Variants in KIF25 observed in about 807,000 individuals in gnomAD.
The protein encoded by KIF25 is kinesin family member 25, also known as kinesin-like protein KIF25.
Under a neutral mutation model 32.9 loss-of-function variants are expected in KIF25, and 19 were observed. The ratio of observed to expected loss-of-function variants is 0.58; its 90% CI spans 0.40 to 0.85. The LOEUF (loss-of-function observed/expected upper bound fraction) is 0.85. KIF25 is among the 40% of genes least tolerant of loss of function. The probability of loss-of-function intolerance (pLI) is 0.00; values close to 1 mark genes in which losing one functional copy is unlikely to be tolerated. For synonymous variants in KIF25, 225 were observed against 213.7 expected (o/e 1.05, Z -0.46); for missense variants, 485 against 507.0 (o/e 0.96, Z 0.42).
rs1216989479 is a variant in KIF25 at position 168,042,265 on chromosome 6, C to T, written c.829+114C>T. On this transcript the variant is annotated intron_variant, in intron 11 of 12. Transcript: ENST00000643607. ...AAGCTCTGGGCGAGCCAGGCATTTC[C>T]CCCTCCACAGGTGAGTTCCAAATCC... The T allele has an allele frequency of 2.7e-6, 3 of 1,122,176 alleles. No homozygotes were observed. The African/African-American group carries it at 4.7e-5, about 18-fold the overall frequency. 69.5% of individuals were successfully genotyped at this position (1,122,176 alleles called of 1,614,324 possible). A position where few individuals can be genotyped will look rare whatever the true frequency, so the allele number is the denominator to read the frequency against.
At chr6:168,024,317 G>GTT (rs139269950) in intron 5 of KIF25, among the ~76,000 whole-genome samples, 153 of 148,748 alleles carry the variant, frequency 1.0e-3, no homozygotes, top group African/African-American at 3.5e-3. Flanking sequence ...GTGACACACA[G>GTT]TTTTTTTTAC....
rs533395739 is a variant in KIF25, at chr6:168,040,072, G to C, written c.502G>C (p.Gly168Arg). ...TGCTTGCCTTGTCTGTAGGGCTGTC[G>C]GCAGCGCCTCGAAACTGATGGAGCT... The part of the protein sequence containing the change: ...EVALLASEAV[G>R]SASKLMELVH... Residue 168 changes from glycine to arginine, a missense_variant, in exon 10 of 13, where the codon GGC becomes CGC. Gly to Arg is a moderately radical substitution (Grantham distance 125). Around this residue, in one of 2 missense-constraint regions of KIF25, gnomAD observed 480 missense variants for 470.3 expected, o/e 1.02. Transcript: ENST00000643607. 6 of 1,612,420 alleles carry C rather than the reference G, an allele frequency of 3.7e-6. No homozygotes were observed. Among genetic ancestry groups the C allele is most frequent in the Middle Eastern group, 1.7e-4 (1 of 5,932 alleles).
chr6:168,002,895 G>A (rs1798527278), intron 3 of KIF25, among the ~76,000 whole-genome samples: 1 of 152,196 alleles, frequency 6.6e-6, no homozygotes, highest in Non-Finnish European at 1.5e-5. Flanking sequence ...AGTCTCATAA[G>A]GAGTGTGCAA....
chr6:168,003,300 A>G (rs971008889), intron 3 of KIF25, among the ~76,000 whole-genome samples: 4 of 152,242 alleles, frequency 2.6e-5, no homozygotes, highest in African/African-American at 9.6e-5. Context: ...AGAGAAGAAA[A>G]TAATACATAA....
chr6:168,001,958 G>A (rs537986698), intron 2 of KIF25, among the ~76,000 whole-genome samples: 2 of 124,558 alleles, frequency 1.6e-5, no homozygotes, highest in South Asian at 2.8e-4. Flanking sequence ...GCGTGGCCGC[G>A]GGCAGGTGAG....
At chr6:168,020,792 A>G (rs1309033614) in intron 5 of KIF25, among the ~76,000 whole-genome samples, 1 of 152,246 alleles carries the variant, frequency 6.6e-6, no homozygotes, top group African/African-American at 2.4e-5. Flanking sequence ...AATGTCAGGA[A>G]AAAGGGAAAG....
Position 168,044,815 on chromosome 6 carries a change from T to C in KIF25, c.986-12T>C, listed in dbSNP as rs1435174876. On this transcript the variant is annotated splice_polypyrimidine_tract_variant and intron_variant, in intron 12 of 12. Transcript: ENST00000643607. ...TTCTTTCCAGCTTGCATGTTGTTTT[T>C]CTATTTTAAAGGAGGCGATGCGAAG... is the stretch of plus-strand genomic sequence containing the variant. 3 of 1,566,398 alleles carry C rather than the reference T, an allele frequency of 1.9e-6. No homozygotes were observed. Among genetic ancestry groups the C allele is most frequent in the Non-Finnish European group, 2.6e-6 (3 of 1,152,548 alleles).
chr6:168,029,042 G>C (rs1171261596), intron 5 of KIF25, among the ~76,000 whole-genome samples: 1 of 152,030 alleles, frequency 6.6e-6, no homozygotes, highest in African/African-American at 2.4e-5. Context: ...AGATTGTTTT[G>C]CCTTTTCTGA....
chr6:168,044,876 G>A lies in KIF25; in HGVS notation c.1035G>A (p.Arg345=). 1 of 1,609,576 alleles carries A rather than the reference G, an allele frequency of 6.2e-7. No homozygotes were observed. Among genetic ancestry groups the A allele is most frequent in the Admixed American group, 1.7e-5 (1 of 59,736 alleles). The change falls in exon 13 of 13, where the codon AGG becomes AGA. Residue 345 remains arginine, a synonymous_variant. Coordinates refer to ENST00000643607, the MANE Select transcript of KIF25 (RefSeq NM_030615.4). The part of the protein sequence containing the change: ...LVILCISPSQ[R]HLAQTLQGLG... Reference sequence around the variant, plus strand: ...TTCTCTGCATTTCTCCCAGCCAGAGGCACCTGGCACAGACGTTGCAGGGCC... The same window carrying A: ...TTCTCTGCATTTCTCCCAGCCAGAGACACCTGGCACAGACGTTGCAGGGCC...
At position 168,045,041 on chromosome 6, in the gene KIF25, G is replaced by A; in HGVS notation, c.*45G>A. The stretch of plus-strand genomic sequence containing the variant: ...TCCTAAAACTGTGTTTCTTGTCCTT[G>A]CTTTATAATGCATATGTGCTTAGAA... On this transcript the variant is annotated 3_prime_UTR_variant, in exon 13 of 13. Coordinates refer to ENST00000643607, the MANE Select transcript of KIF25 (RefSeq NM_030615.4). 6.5e-7 allele frequency: 1 copy of A among 1,528,330 alleles called. No individual in the cohort carries two copies. Among genetic ancestry groups the A allele is most frequent in the Non-Finnish European group, 8.9e-7 (1 of 1,126,904 alleles). 94.7% of individuals were successfully genotyped at this position (1,528,330 alleles called of 1,614,324 possible). A position where few individuals can be genotyped will look rare whatever the true frequency, so the allele number is the denominator to read the frequency against.
At chr6:168,005,022 G>T (rs1210530988) in intron 4 of KIF25, among the ~76,000 whole-genome samples, 1 of 152,158 alleles carries the variant, frequency 6.6e-6, no homozygotes, top group African/African-American at 2.4e-5. Flanking sequence ...GTTTTTAAAG[G>T]CAGGAGGACA....
Position 168,044,807 on chromosome 6 carries a change from G to C in KIF25, c.986-20G>C. Reference sequence around the variant, plus strand: ...TGCTGCTCTTCTTTCCAGCTTGCATGTTGTTTTTCTATTTTAAAGGAGGCG... The same window carrying C: ...TGCTGCTCTTCTTTCCAGCTTGCATCTTGTTTTTCTATTTTAAAGGAGGCG... On this transcript the variant is annotated intron_variant, in intron 12 of 12. Transcript: ENST00000643607. The C allele has an allele frequency of 6.4e-7, 1 of 1,565,042 alleles. No individual in the cohort carries two copies. Among genetic ancestry groups the C allele is most frequent in the Non-Finnish European group, 8.7e-7 (1 of 1,151,502 alleles).
chr6:168,023,269 C>CT lies in KIF25; in HGVS notation c.-95+5248dup, dbSNP rs34667438. On this transcript the variant is annotated intron_variant, in intron 5 of 12. Transcript: ENST00000643607. ...TTGCACCTAGGAAGTTTCCTTCTTC[C>CT]TTTTTTTTTTTTTTTTTTTGAGGAG... 7.6e-3 allele frequency among the ~76,000 whole-genome samples: 851 copies of CT among 111,904 alleles called. 17 individuals carry two copies. The highest frequency in any genetic ancestry group is 0.023 in the African/African-American group (712 of 31,528). The allele number at this position is 111,904 out of a possible 152,430, so 73.4% of individuals were successfully genotyped here.
In KIF25 at chr6:168,007,674, T is replaced by C. The variant is rs532162810; in HGVS notation, c.-163+3971T>C. On this transcript the variant is annotated intron_variant, in intron 4 of 12. Coordinates refer to ENST00000643607, the MANE Select transcript of KIF25 (RefSeq NM_030615.4). The stretch of plus-strand genomic sequence containing the variant: ...TTCTCAGGAAAGAATTGTGCAAGGC[T>C]GATCCTCTGCCTAATCAGGGTTGCG... Among the ~76,000 whole-genome samples the C allele has an allele frequency of 5.0e-4, 76 of 152,206 alleles. 1 individual carries two copies. The highest frequency in any genetic ancestry group is 1.3e-4 in the Admixed American group (2 of 15,292).
intron 5 of KIF25, among the ~76,000 whole-genome samples, chr6:168,028,189 A>G (rs73042816): frequency 0.034 from 5,150 of 152,124 alleles, 101 homozygotes; most frequent in Non-Finnish European, 0.049. Flanking sequence ...TAAAATATTA[A>G]TTAAAAATAA....
Position 168,007,568 on chromosome 6 carries a change from G to A in KIF25, c.-163+3865G>A, listed in dbSNP as rs538658192. 1.8e-4 allele frequency among the ~76,000 whole-genome samples: 27 copies of A among 152,320 alleles called. No homozygotes were observed. In the South Asian group the frequency reaches 4.4e-3, roughly 25 times the overall value. ...GAAGAGACAGTCTCCAGCTCTCTCT[G>A]TTAAAAGGTGAACTCCAGGACACAC... is the stretch of plus-strand genomic sequence containing the variant. On this transcript the variant is annotated intron_variant, in intron 4 of 12. Coordinates refer to ENST00000643607, the MANE Select transcript of KIF25 (RefSeq NM_030615.4).
At chr6:168,044,136 G>A (rs897118891) in intron 12 of KIF25, among the ~76,000 whole-genome samples, 5 of 150,334 alleles carry the variant, frequency 3.3e-5, no homozygotes, top group Non-Finnish European at 5.9e-5. Flanking sequence ...GGTGAGGGGC[G>A]CTAGTGACCG....
intron 8 of KIF25, chr6:168,035,959 G>T (rs1474676313): frequency 6.1e-6 from 2 of 329,514 alleles, no homozygotes; most frequent in South Asian, 4.8e-5. Context: ...GGTGAGCTTG[G>T]GTGTTCGTGA....
At chr6:168,022,091 A>C (rs1418303786) in intron 5 of KIF25, among the ~76,000 whole-genome samples, 3 of 152,148 alleles carry the variant, frequency 2.0e-5, no homozygotes, top group Non-Finnish European at 4.4e-5. Flanking sequence ...AATCTTTTTA[A>C]AAGTACTTTC....
Sources: gnomAD v4.1 joint callset for allele counts (sites outside exome capture counted in the v4.1 genomes callset) on GRCh38, gnomAD v4.1.1 for gene constraint, gnomAD v4.1.1 regional missense constraint, MANE v1.5 for transcripts, NCBI Gene and HGNC (gene_info 2026-07-23, HGNC 2026-07-21) for gene names.